The following ZC3H13 variants were observed in gnomAD, a reference collection of about 807,000 sequenced individuals.
ZC3H13 encodes the protein zinc finger CCCH-type containing 13.
In ZC3H13, 64 loss-of-function variants were observed where a neutral mutation model predicts 204.1. The observed-to-expected ratio is 0.31, with a 90% CI of 0.26 to 0.39. The LOEUF is 0.39. Ranked by LOEUF, ZC3H13 falls within the 10% of genes least tolerant of loss-of-function variation. ZC3H13 has a pLI of 1.00. For missense variants in ZC3H13, 1,833 were observed against 2,082.7 expected (o/e 0.88, Z 2.33); for synonymous variants, 667 against 693.7 (o/e 0.96, Z 0.60).
chr13:46,036,622 GAA>G (rs748320530), intron 4 of ZC3H13, among the ~76,000 whole-genome samples: 114 of 152,144 alleles, frequency 7.5e-4, no homozygotes, highest in Non-Finnish European at 1.5e-3. Flanking sequence ...TTAGGAACCA[GAA>G]AAAGTTATTA....
chr13:45,956,466 A>G lies in ZC3H13; in HGVS notation c.*661T>C, dbSNP rs766314862. The G allele has an allele frequency of 6.6e-6, 1 of 152,208 alleles. No homozygotes were observed. The highest frequency in any genetic ancestry group is 1.5e-5 in the Non-Finnish European group (1 of 68,022). 9.4% of individuals were successfully genotyped at this position (152,208 alleles called of 1,614,324 possible). A position where few individuals can be genotyped will look rare whatever the true frequency, so the allele number is the denominator to read the frequency against. ...AAACAAGGAAAGGGAAGATACATTT[A>G]TTAAAAATAAAAATAGTACACAATC... On this transcript the variant is annotated 3_prime_UTR_variant, in exon 19 of 19. Transcript: ENST00000679008.
intron 9 of ZC3H13, among the ~76,000 whole-genome samples, chr13:45,986,202 G>A (rs1223438296): frequency 6.6e-6 from 1 of 152,216 alleles, no homozygotes; most frequent in East Asian, 1.9e-4. Context: ...TGGTTAGTAA[G>A]CTAGCTGGTT....
chr13:46,023,389 T>C (rs560356475), intron 4 of ZC3H13, among the ~76,000 whole-genome samples: 2 of 152,312 alleles, frequency 1.3e-5, no homozygotes, highest in South Asian at 4.1e-4. Flanking sequence ...TTTCTACTGA[T>C]TGGGAATAGT....
rs1440646433 is a variant in ZC3H13 at position 45,988,962 on chromosome 13, C to A, written c.1080G>T (p.Gln360His). Reference sequence around the variant, plus strand: ...GTCGTAAAGGTGGAGTTAGTGTCCGCTGATAAGATGGTGAAGGAGTTCTTT... The same window carrying A: ...GTCGTAAAGGTGGAGTTAGTGTCCGATGATAAGATGGTGAAGGAGTTCTTT... ...RRKRTPSPSY[Q>H]RTLTPPLRRS... Residue 360 changes from glutamine (Q) to histidine (H), a missense_variant, in exon 9 of 19, where the codon CAG becomes CAT. Gln to His is a conservative substitution (Grantham distance 24). Coordinates refer to ENST00000679008, the MANE Select transcript of ZC3H13 (RefSeq NM_001330564.2). 6.2e-7 allele frequency: 1 copy of A among 1,613,644 alleles called. No individual in the cohort carries two copies. Among genetic ancestry groups the A allele is most frequent in the African/African-American group, 1.3e-5 (1 of 74,816 alleles).
At position 45,969,295 on chromosome 13, in the gene ZC3H13, A is replaced by G. The variant is rs1163420406; in HGVS notation, c.3249T>C (p.His1083=). Residue 1083 remains histidine (H), a synonymous_variant, in exon 14 of 19, where the codon CAT becomes CAC. Coordinates refer to ENST00000679008, the MANE Select transcript of ZC3H13 (RefSeq NM_001330564.2). ...TACCAGGAGTCGTGGCGGTGGCAGT[A>G]TGCTCTGCTTCTGTCACCTCTGTAC... is the stretch of plus-strand genomic sequence containing the variant. ...PDRTEVTEAE[H]TATATTPGST... The G allele has an allele frequency of 1.2e-6, 2 of 1,613,806 alleles. No homozygotes were observed. The highest frequency in any genetic ancestry group is 1.7e-6 in the Non-Finnish European group (2 of 1,180,000).
chr13:46,040,942 G>A (rs1393041375), intron 4 of ZC3H13, among the ~76,000 whole-genome samples: 1 of 152,102 alleles, frequency 6.6e-6, no homozygotes, highest in Non-Finnish European at 1.5e-5. Context: ...AAAAGTGTTG[G>A]TGATGATGTG....
At position 45,993,073 on chromosome 13, in the gene ZC3H13, G is replaced by C. The variant is rs549457477; in HGVS notation, c.945-3976C>G. On this transcript the variant is annotated intron_variant, in intron 8 of 18. Transcript: ENST00000679008. ...GAAAACCTTGACTAATACATCGAGG[G>C]AGGACTGGAAACCAGTCTATCTAGT... 3.3e-5 allele frequency among the ~76,000 whole-genome samples: 5 copies of C among 152,182 alleles called. No homozygotes were observed. The South Asian group carries it at 1.0e-3, about 32-fold the overall frequency.
At chr13:46,035,311 A>G (rs2043145750) in intron 4 of ZC3H13, among the ~76,000 whole-genome samples, 1 of 152,224 alleles carries the variant, frequency 6.6e-6, no homozygotes, top group Non-Finnish European at 1.5e-5. Context: ...TCAAGAGAAA[A>G]GACATCCCTG....
chr13:45,974,141 AT>A (rs1952818209), intron 12 of ZC3H13, among the ~76,000 whole-genome samples: 1 of 152,230 alleles, frequency 6.6e-6, no homozygotes, highest in Non-Finnish European at 1.5e-5. Context: ...CACAGTGTTT[AT>A]CCCAGTTGGA....
chr13:46,049,315 T>C (rs201929202), intron 1 of ZC3H13, among the ~76,000 whole-genome samples: 1 of 129,258 alleles, frequency 7.7e-6, no homozygotes, highest in Non-Finnish European at 1.7e-5. Context: ...CACACACACA[T>C]ATTCTTAATA....
At chr13:46,000,429 T>C (rs934560030) in intron 8 of ZC3H13, among the ~76,000 whole-genome samples, 3 of 152,256 alleles carry the variant, frequency 2.0e-5, no homozygotes, top group Non-Finnish European at 4.4e-5. Context: ...CTTGCACTTT[T>C]GTGCTACGGA....
At chr13:45,977,142 A>G (rs1953120631) in intron 11 of ZC3H13, among the ~76,000 whole-genome samples, 1 of 152,116 alleles carries the variant, frequency 6.6e-6, no homozygotes, top group Non-Finnish European at 1.5e-5. Flanking sequence ...GATGCATTAG[A>G]AGTCAGTTTT....
chr13:46,051,318 G>A (rs893728252), intron 1 of ZC3H13, among the ~76,000 whole-genome samples: 1 of 152,138 alleles, frequency 6.6e-6, no homozygotes, highest in Non-Finnish European at 1.5e-5. Context: ...AATCCTACCA[G>A]ATGCACAGAG....
chr13:45,957,532 C>T (rs899410024), intron 18 of ZC3H13, among the ~76,000 whole-genome samples: 1 of 152,138 alleles, frequency 6.6e-6, no homozygotes, highest in African/African-American at 2.4e-5. Context: ...AGTAGGAATC[C>T]TCTCAACAAT....
chr13:45,960,266 T>TTA (rs1490398618), intron 17 of ZC3H13, among the ~76,000 whole-genome samples: 1 of 152,118 alleles, frequency 6.6e-6, no homozygotes. Flanking sequence ...CCCAGGGAAT[T>TTA]TATTTAAAGA....
intron 5 of ZC3H13, among the ~76,000 whole-genome samples, chr13:46,018,550 C>T (rs2042048422): frequency 1.3e-5 from 2 of 151,988 alleles, no homozygotes; most frequent in Non-Finnish European, 2.9e-5. Context: ...GCCTCTTACA[C>T]AGAATAAGAG....
chr13:45,975,303 T>C lies in ZC3H13; in HGVS notation c.2448A>G (p.Gly816=), dbSNP rs928745593. The change falls in exon 12 of 19, where the codon GGA becomes GGG. Residue 816 remains glycine, a synonymous_variant. Transcript: ENST00000679008. The stretch of plus-strand genomic sequence containing the variant: ...CTTACTTTGATTTTCTTTCATCATG[T>C]CCATCTCTTGGATTCCTATCTTCTC... ...EIREDRNPRD[G]HDERKSKKRY... is the part of the protein sequence containing the mutation. The C allele has an allele frequency of 6.2e-7, 1 of 1,611,686 alleles. No individual in the cohort carries two copies. Among genetic ancestry groups the C allele is most frequent in the South Asian group, 1.1e-5 (1 of 90,888 alleles).
intron 4 of ZC3H13, among the ~76,000 whole-genome samples, chr13:46,028,371 T>C (rs983997230): frequency 1.3e-5 from 2 of 152,142 alleles, no homozygotes; most frequent in African/African-American, 4.8e-5. Context: ...ACTCTTATGG[T>C]TGAGGATTTC....
chr13:45,979,963 T>C lies in ZC3H13; in HGVS notation c.1762A>G (p.Ser588Gly). ...SRGSQIDSHS[S>G]NSNYHDSWET... ...CAGCTGTCATGATAGTTGCTATTAC[T>C]ACTGTGACTATCAATTTGAGAACCT... Residue 588 changes from serine to glycine, a missense_variant, in exon 11 of 19, where the codon AGT (serine) becomes GGT (glycine). By Grantham distance (56) the Ser-to-Gly change is moderately conservative. Coordinates refer to ENST00000679008, the MANE Select transcript of ZC3H13 (RefSeq NM_001330564.2). 1 of 1,609,360 alleles carries C rather than the reference T, an allele frequency of 6.2e-7. No individual in the cohort carries two copies. Among genetic ancestry groups the C allele is most frequent in the African/African-American group, 1.3e-5 (1 of 74,630 alleles).
Sources: gnomAD v4.1 joint callset for allele counts (sites outside exome capture counted in the v4.1 genomes callset) on GRCh38, gnomAD v4.1.1 for gene constraint, MANE v1.5 for transcripts, NCBI Gene and HGNC (gene_info 2026-07-23, HGNC 2026-07-21) for gene names.